Variants in SMYD3 observed in about 807,000 individuals in gnomAD.
SMYD3 encodes the protein histone-lysine N-methyltransferase SMYD3.
In SMYD3, 36 loss-of-function variants were observed where a neutral mutation model predicts 57.7. The observed-to-expected ratio is 0.62, with a 90% CI of 0.48 to 0.82. SMYD3 has a LOEUF of 0.82. Ranked by LOEUF, SMYD3 falls within the 40% of genes least tolerant of loss-of-function variation. SMYD3 has a pLI of 0.00. For missense variants in SMYD3, 515 were observed against 538.8 expected, an observed-to-expected ratio of 0.96 and a Z score of 0.44; for synonymous variants, 211 against 195.0, an observed-to-expected ratio of 1.08 and a Z score of -0.68.
At chr1:245,992,293 A>G (rs1284096708) in intron 5 of SMYD3, among the ~76,000 whole-genome samples, 1 of 150,034 alleles carries the variant, frequency 6.7e-6, no homozygotes, top group Non-Finnish European at 1.5e-5. Flanking sequence ...AACCTCAGAA[A>G]CGGCCTGCCG....
intron 7 of SMYD3, among the ~76,000 whole-genome samples, chr1:245,925,673 G>C (rs1282217411): frequency 6.6e-6 from 1 of 152,124 alleles, no homozygotes; most frequent in African/African-American, 2.4e-5. Flanking sequence ...CAATATAATA[G>C]AGAGTCGATT....
chr1:246,409,392 A>G (rs910838989), intron 1 of SMYD3, among the ~76,000 whole-genome samples: 3 of 152,176 alleles, frequency 2.0e-5, no homozygotes, highest in Admixed American at 1.3e-4. Context: ...CTTTCTACAT[A>G]TGGCTAGCCA....
chr1:245,980,135 G>C lies in SMYD3; in HGVS notation c.532-50198C>G, dbSNP rs145057684. On this transcript the variant is annotated intron_variant, in intron 5 of 11. Transcript: ENST00000490107. ...TGGGAAGCCTGCTGAATTACAACGA[G>C]GGGGAGAACTCAGCAACCCAAGCGG... 5.9e-3 allele frequency among the ~76,000 whole-genome samples: 899 copies of C among 152,332 alleles called. 9 individuals carry two copies. The highest frequency in any genetic ancestry group is 0.02 in the African/African-American group (843 of 41,580).
In SMYD3 at chr1:246,432,074, T is replaced by C. The variant is rs552824255; in HGVS notation, c.164+74980A>G. Among the ~76,000 whole-genome samples the C allele has an allele frequency of 7.2e-5, 11 of 152,314 alleles. No homozygotes were observed. In the East Asian group the frequency reaches 1.9e-3, roughly 27 times the overall value. Reference sequence around the variant, plus strand: ...TTGCAGATAAGACAAACAAGAGTAATCTAACAATTATGCCAAACTTAGATT... The same window carrying C: ...TTGCAGATAAGACAAACAAGAGTAACCTAACAATTATGCCAAACTTAGATT... On this transcript the variant is annotated intron_variant, in intron 1 of 11. Coordinates refer to ENST00000490107, the MANE Select transcript of SMYD3 (RefSeq NM_001167740.2).
At chr1:245,775,583 G>A (rs1041295477) in intron 10 of SMYD3, among the ~76,000 whole-genome samples, 7 of 151,442 alleles carry the variant, frequency 4.6e-5, no homozygotes, top group Admixed American at 3.9e-4. Flanking sequence ...GCGGAAGGCC[G>A]CAGGGTCCTC....
At chr1:245,825,640 G>T (rs985804753) in intron 10 of SMYD3, among the ~76,000 whole-genome samples, 45 of 152,146 alleles carry the variant, frequency 3.0e-4, no homozygotes, top group African/African-American at 1.1e-3. Flanking sequence ...TGTGGGTAGG[G>T]CTTTCTCCTA....
intron 5 of SMYD3, among the ~76,000 whole-genome samples, chr1:246,269,590 G>A (rs12073179): frequency 0.33 from 47,954 of 144,462 alleles, 8,649 homozygotes; most frequent in East Asian, 0.72. Flanking sequence ...GTTTTTTGAG[G>A]CAGGCTCTTG....
At chr1:246,431,268 A>G (rs1206609557) in intron 1 of SMYD3, among the ~76,000 whole-genome samples, 1 of 152,256 alleles carries the variant, frequency 6.6e-6, no homozygotes, top group African/African-American at 2.4e-5. Flanking sequence ...ACATTCAACA[A>G]GCATAACTAA....
chr1:246,249,928 G>A (rs924664798), intron 5 of SMYD3, among the ~76,000 whole-genome samples: 18 of 152,182 alleles, frequency 1.2e-4, no homozygotes, highest in African/African-American at 4.1e-4. Flanking sequence ...CCCCCAGGTA[G>A]TCAAGTCTGT....
At chr1:245,817,240 CT>C (rs1280102621) in intron 10 of SMYD3, among the ~76,000 whole-genome samples, 1 of 145,068 alleles carries the variant, frequency 6.9e-6, no homozygotes, top group Admixed American at 7.0e-5. Context: ...TCCCTGACCC[CT>C]GACCCCCGAG....
At chr1:246,267,310 T>C (rs1328324095) in intron 5 of SMYD3, among the ~76,000 whole-genome samples, 4 of 152,106 alleles carry the variant, frequency 2.6e-5, no homozygotes, top group African/African-American at 9.7e-5. Context: ...TGAACTGAAG[T>C]TTTATCAATT....
intron 10 of SMYD3, among the ~76,000 whole-genome samples, chr1:245,820,920 T>G (rs973500635): frequency 1.3e-5 from 2 of 151,104 alleles, no homozygotes; most frequent in Non-Finnish European, 3.0e-5. Flanking sequence ...GGAAGAACAT[T>G]CCATGCTCAT....
At chr1:246,223,556 T>C (rs1286049040) in intron 5 of SMYD3, among the ~76,000 whole-genome samples, 3 of 152,280 alleles carry the variant, frequency 2.0e-5, no homozygotes, top group Non-Finnish European at 4.4e-5. Flanking sequence ...TGTCATCTTA[T>C]GTATATACTG....
chr1:246,260,172 T>C (rs746735056), intron 5 of SMYD3, among the ~76,000 whole-genome samples: 5 of 152,152 alleles, frequency 3.3e-5, no homozygotes, highest in Admixed American at 6.5e-5. Context: ...TCCAAATGCC[T>C]GCAGACCTGC....
intron 1 of SMYD3, among the ~76,000 whole-genome samples, chr1:246,481,131 CAGAG>C (rs1335570520): frequency 6.6e-6 from 1 of 152,116 alleles, no homozygotes; most frequent in East Asian, 1.9e-4. Context: ...TAATAACTAA[CAGAG>C]AAAGAGCAAT....
intron 10 of SMYD3, among the ~76,000 whole-genome samples, chr1:245,828,242 G>A (rs2148370245): frequency 6.6e-6 from 1 of 152,308 alleles, no homozygotes; most frequent in Admixed American, 6.5e-5. Flanking sequence ...AAGTGTGAAA[G>A]ACTAGAGAGG....
intron 1 of SMYD3, among the ~76,000 whole-genome samples, chr1:246,432,584 T>C (rs1377248473): frequency 6.6e-6 from 1 of 152,220 alleles, no homozygotes; most frequent in Non-Finnish European, 1.5e-5. Context: ...AATCTTCAGT[T>C]CACGATGTGA....
chr1:245,822,007 G>A (rs1264256187), intron 10 of SMYD3, among the ~76,000 whole-genome samples: 2 of 152,020 alleles, frequency 1.3e-5, no homozygotes, highest in Non-Finnish European at 1.5e-5. Flanking sequence ...CAGGGATCTC[G>A]AACTAGAAAT....
chr1:245,786,247 G>A (rs1572333473), intron 10 of SMYD3, among the ~76,000 whole-genome samples: 1 of 149,246 alleles, frequency 6.7e-6, no homozygotes, highest in African/African-American at 2.5e-5. Flanking sequence ...ATATTAAGAA[G>A]AAAAAGAAGC....
Sources: allele counts gnomAD v4.1 joint callset (sites outside exome capture counted in the v4.1 genomes callset), GRCh38; gene constraint gnomAD v4.1.1; transcripts MANE v1.5; gene names NCBI Gene and HGNC (gene_info 2026-07-23, HGNC 2026-07-21).